Variants in APH1B observed in about 807,000 individuals in gnomAD.
The protein encoded by APH1B is gamma-secretase subunit APH-1B.
APH1B carries 27 observed loss-of-function variants against 28.2 expected under a neutral mutation model. That is an observed-to-expected ratio of 0.96 (90% confidence interval 0.70 to 1.32). The LOEUF is 1.32. APH1B is among the 40% of genes most tolerant of loss of function. The pLI, the probability that APH1B is intolerant of heterozygous loss-of-function variation, is 0.00. For missense variants in APH1B, 305 were observed against 313.6 expected, an observed-to-expected ratio of 0.97 and a Z score of 0.21; for synonymous variants, 141 against 124.6, an observed-to-expected ratio of 1.13 and a Z score of -0.88.
intron 4 of APH1B, 85 bp downstream of exon 4, chr15:63,287,631 G>A (rs2038462308): frequency 1.3e-6 from 2 of 1,486,722 alleles, no homozygotes; most frequent in South Asian, 1.3e-5. Flanking sequence ...GAATTTCAGT[G>A]GATTGGAATT....
In APH1B at chr15:63,286,559, A is replaced by G; in HGVS notation, c.286A>G (p.Lys96Glu). The change falls in exon 3 of 6, where the codon AAA (lysine) becomes GAA (glutamate). Residue 96 changes from lysine to glutamate, a missense_variant and splice_region_variant. Coordinates refer to ENST00000261879, the MANE Select transcript of APH1B (RefSeq NM_031301.4). The stretch of plus-strand genomic sequence containing the variant: ...ATTACATGTGTGGTTTTATTTTAGA[A>G]AAGCCAGTGAAGGTTTGAAGAGTAT... ...FRFAYYKLLKKASEGLKSINP... is the reference protein window; with the variant it reads ...FRFAYYKLLKEASEGLKSINP... The G allele has an allele frequency of 6.3e-7, 1 of 1,587,358 alleles. No homozygotes were observed.
chr15:63,298,000 T>A (rs1399827665), intron 4 of APH1B, among the ~76,000 whole-genome samples: 1 of 152,080 alleles, frequency 6.6e-6, no homozygotes, highest in Admixed American at 6.5e-5. Context: ...AATGGTAAAC[T>A]GAAAGGATGG....
chr15:63,301,075 G>A (rs543278457), intron 4 of APH1B, among the ~76,000 whole-genome samples: 13 of 152,312 alleles, frequency 8.5e-5, no homozygotes, highest in East Asian at 1.9e-4. Flanking sequence ...GTTTAAACAC[G>A]GATTGCTGGG....
At chr15:63,284,998 T>C (rs1426543914) in intron 2 of APH1B, among the ~76,000 whole-genome samples, 1 of 152,230 alleles carries the variant, frequency 6.6e-6, no homozygotes, top group Non-Finnish European at 1.5e-5. Flanking sequence ...GGTATCACTA[T>C]GAGAGGTAAG....
At chr15:63,299,569 T>C (rs2038602847) in intron 4 of APH1B, among the ~76,000 whole-genome samples, 1 of 152,004 alleles carries the variant, frequency 6.6e-6, no homozygotes. Flanking sequence ...CACGCCCGGC[T>C]AATTTTTTGT....
At position 63,305,846 on chromosome 15, in the gene APH1B, T is replaced by C. The variant is rs2038682666; in HGVS notation, c.*65T>C. The C allele has an allele frequency of 6.5e-7, 1 of 1,539,788 alleles. No homozygotes were observed. The highest frequency in any genetic ancestry group is 2.2e-5 in the Admixed American group (1 of 45,246). ...TTTAGAGGAAGCACAACTGTGCCTT[T>C]TTCTGAAAATCCCTTTTTCTGGTGG... On this transcript the variant is annotated 3_prime_UTR_variant, in exon 6 of 6. Transcript: ENST00000261879.
chr15:63,287,419 T>TTTAG lies in APH1B; in HGVS notation c.356-2_357dup. 1 of 1,613,056 alleles carries TTTAG rather than the reference T, an allele frequency of 6.2e-7. No individual in the cohort carries two copies. The highest frequency in any genetic ancestry group is 8.5e-7 in the Non-Finnish European group (1 of 1,179,522). On this transcript the variant is annotated splice_polypyrimidine_tract_variant and splice_region_variant and intron_variant, in intron 3 of 5. Transcript: ENST00000261879. ...AGAGTTAACAGTGTTTTTCTTCCTG[T>TTTAG]TTAGTTTCTGGCTTGGGCTTTGGAA...
Position 63,305,599 on chromosome 15 carries a change from A to G in APH1B, c.607-15A>G. On this transcript the variant is annotated splice_polypyrimidine_tract_variant and intron_variant, in intron 5 of 5. Transcript: ENST00000261879. ...TTGCTGTTATTACCCAAGCTGATTT[A>G]TTTTTCTTTTGCAGACCTTCATAAG... The G allele has an allele frequency of 6.2e-7, 1 of 1,613,276 alleles. No individual in the cohort carries two copies. Among genetic ancestry groups the G allele is most frequent in the South Asian group, 1.1e-5 (1 of 90,854 alleles).
intron 4 of APH1B, among the ~76,000 whole-genome samples, chr15:63,292,183 TAGAG>T (rs1199307670): frequency 1.3e-5 from 2 of 152,182 alleles, no homozygotes; most frequent in East Asian, 1.9e-4. Context: ...TCCAAAGTAG[TAGAG>T]AAAGTATAAC....
rs1025917436 is a variant in APH1B at position 63,307,686 on chromosome 15, G to C, written c.*1905G>C. 9 of 152,202 alleles carry C rather than the reference G, an allele frequency of 5.9e-5. No individual in the cohort carries two copies. Among genetic ancestry groups the C allele is most frequent in the Admixed American group, 2.0e-4 (3 of 15,288 alleles). 9.4% of individuals were successfully genotyped at this position (152,202 alleles called of 1,614,324 possible). A position where few individuals can be genotyped will look rare whatever the true frequency, so the allele number is the denominator to read the frequency against. On this transcript the variant is annotated 3_prime_UTR_variant, in exon 6 of 6. Transcript: ENST00000261879. ...AGTTGGTTATTATGGACTTAAAACT[G>C]TGTTAAATGGATATTCTGATAAAAT...
intron 4 of APH1B, among the ~76,000 whole-genome samples, chr15:63,289,452 C>T (rs2038480810): frequency 6.6e-6 from 1 of 152,010 alleles, no homozygotes; most frequent in African/African-American, 2.4e-5. Context: ...AAATAATAAT[C>T]AGAATAAATA....
intron 4 of APH1B, among the ~76,000 whole-genome samples, chr15:63,297,352 C>A (rs1424869036): frequency 6.6e-6 from 1 of 152,076 alleles, no homozygotes; most frequent in African/African-American, 2.4e-5. Context: ...CATGACAAAA[C>A]CCTGTCTCCA....
At chr15:63,302,108 C>T (rs765487007) in intron 4 of APH1B, among the ~76,000 whole-genome samples, 20 of 152,182 alleles carry the variant, frequency 1.3e-4, no homozygotes, top group African/African-American at 4.8e-4. Context: ...TGCCTGAAAG[C>T]CAGATCTTAG....
chr15:63,297,898 C>T (rs771543843), intron 4 of APH1B, among the ~76,000 whole-genome samples: 4 of 152,112 alleles, frequency 2.6e-5, no homozygotes, highest in Non-Finnish European at 5.9e-5. Flanking sequence ...CACCCGGAAA[C>T]GAGAGCTGAC....
intron 2 of APH1B, among the ~76,000 whole-genome samples, chr15:63,284,081 ATTTTAC>A (rs918932397): frequency 2.0e-5 from 3 of 152,190 alleles, no homozygotes; most frequent in African/African-American, 7.2e-5. Context: ...GATCTTGAAT[ATTTTAC>A]TTTTGTAGTA....
In APH1B at chr15:63,305,818, A is replaced by T; in HGVS notation, c.*37A>T. 1 of 1,586,208 alleles carries T rather than the reference A, an allele frequency of 6.3e-7. No homozygotes were observed. Among genetic ancestry groups the T allele is most frequent in the Non-Finnish European group, 8.5e-7 (1 of 1,170,580 alleles). Reference sequence around the variant, plus strand: ...CAGCACTTCCCAAACCGCAGACTACATCTTTAGAGGAAGCACAACTGTGCC... The same window carrying T: ...CAGCACTTCCCAAACCGCAGACTACTTCTTTAGAGGAAGCACAACTGTGCC... On this transcript the variant is annotated 3_prime_UTR_variant, in exon 6 of 6. Transcript: ENST00000261879.
chr15:63,305,314 CAG>C (rs1567033710), intron 5 of APH1B, among the ~76,000 whole-genome samples: 1 of 152,208 alleles, frequency 6.6e-6, no homozygotes, highest in African/African-American at 2.4e-5. Context: ...CAATTTAACA[CAG>C]AAATGAATAG....
intron 5 of APH1B, among the ~76,000 whole-genome samples, chr15:63,302,934 G>A (rs747876546): frequency 2.0e-5 from 3 of 151,902 alleles, no homozygotes; most frequent in Admixed American, 1.3e-4. Context: ...TTCAATCTTC[G>A]TATCCTCAAT....
intron 4 of APH1B, among the ~76,000 whole-genome samples, chr15:63,300,558 G>A (rs1276429975): frequency 2.6e-5 from 4 of 152,100 alleles, no homozygotes; most frequent in Admixed American, 6.5e-5. Flanking sequence ...TCAGCTCCCC[G>A]CCGTCACCAA....
Sources: gnomAD v4.1 joint callset for allele counts (sites outside exome capture counted in the v4.1 genomes callset) on GRCh38, gnomAD v4.1.1 for gene constraint, MANE v1.5 for transcripts, NCBI Gene and HGNC (gene_info 2026-07-23, HGNC 2026-07-21) for gene names.